The following SLIT3 variants were observed in gnomAD, a reference collection of about 807,000 sequenced individuals.
SLIT3 encodes slit guidance ligand 3.
SLIT3 carries 68 observed loss-of-function variants against 184.0 expected under a neutral mutation model. The ratio of observed to expected loss-of-function variants is 0.37; its 90% CI spans 0.30 to 0.45. The LOEUF is 0.45. Ranked by LOEUF, SLIT3 falls within the 20% of genes least tolerant of loss-of-function variation. The pLI is 1.00. For missense variants in SLIT3, 1,707 were observed against 2,026.0 expected, an observed-to-expected ratio of 0.84 and a Z score of 3.02; for synonymous variants, 831 against 828.6, an observed-to-expected ratio of 1.00 and a Z score of -0.05.
intron 14 of SLIT3, among the ~76,000 whole-genome samples, chr5:168,763,476 C>T (rs1442713831): frequency 6.6e-6 from 1 of 151,982 alleles, no homozygotes; most frequent in Non-Finnish European, 1.5e-5. Context: ...CAGATTTGGC[C>T]TCTGTTTTTC....
chr5:168,696,440 T>C lies in SLIT3; in HGVS notation c.2943-9A>G. ...CCAGAGGGCAGGAGCAGCTTTGGGA[T>C]GTGAGGGGTGGAGAGCAGGGGAGTC... On this transcript the variant is annotated splice_polypyrimidine_tract_variant and intron_variant, in intron 27 of 35. Transcript: ENST00000519560. 6.2e-7 allele frequency: 1 copy of C among 1,613,822 alleles called. No individual in the cohort carries two copies. Among genetic ancestry groups the C allele is most frequent in the South Asian group, 1.1e-5 (1 of 91,040 alleles).
In SLIT3 at chr5:168,781,063, A is replaced by C. The variant is rs1755952657; in HGVS notation, c.1151+4844T>G. Among the ~76,000 whole-genome samples the C allele has an allele frequency of 3.9e-5, 6 of 152,190 alleles. No homozygotes were observed. The South Asian group carries it at 1.2e-3, about 32-fold the overall frequency. ...CCTGTTGGTGACTGCACTGCTTGTC[A>C]ATGGCTGTGGGTTGTCATGGTGATT... On this transcript the variant is annotated intron_variant, in intron 12 of 35. Coordinates refer to ENST00000519560, the MANE Select transcript of SLIT3 (RefSeq NM_003062.4).
At chr5:168,968,414 G>C (rs1415346641) in intron 4 of SLIT3, among the ~76,000 whole-genome samples, 1 of 152,176 alleles carries the variant, frequency 6.6e-6, no homozygotes, top group African/African-American at 2.4e-5. Flanking sequence ...CATCCCTGTT[G>C]TCACCTTGGC....
chr5:168,919,129 G>A (rs761533486), intron 4 of SLIT3, among the ~76,000 whole-genome samples: 2 of 151,850 alleles, frequency 1.3e-5, no homozygotes, highest in East Asian at 1.9e-4. Context: ...GCGTGGTGGC[G>A]GGTGCCTGTA....
At chr5:168,841,685 AAAG>A (rs1166041826) in intron 6 of SLIT3, among the ~76,000 whole-genome samples, 34 of 152,218 alleles carry the variant, frequency 2.2e-4, no homozygotes, top group Admixed American at 9.8e-4. Flanking sequence ...GCCTCGATGG[AAAG>A]AAGTTTTATG....
chr5:169,013,866 G>A (rs1329005284), intron 4 of SLIT3, among the ~76,000 whole-genome samples: 2 of 152,146 alleles, frequency 1.3e-5, no homozygotes, highest in African/African-American at 4.8e-5. Flanking sequence ...TAAAGTGCCT[G>A]GTTTATAGAT....
intron 4 of SLIT3, among the ~76,000 whole-genome samples, chr5:169,002,019 G>A (rs1755719538): frequency 6.6e-6 from 1 of 151,860 alleles, no homozygotes; most frequent in African/African-American, 2.4e-5. Flanking sequence ...GGTAATTATA[G>A]GAAAAAGCAA....
chr5:168,957,116 C>A (rs973246327), intron 4 of SLIT3, among the ~76,000 whole-genome samples: 2 of 151,530 alleles, frequency 1.3e-5, no homozygotes, highest in Non-Finnish European at 2.9e-5. Context: ...ATAATCCCAG[C>A]TACTCTGGAG....
intron 1 of SLIT3, among the ~76,000 whole-genome samples, chr5:169,283,573 C>A (rs929978286): frequency 6.6e-6 from 1 of 152,152 alleles, no homozygotes; most frequent in Non-Finnish European, 1.5e-5. Context: ...GAAAGAAAGG[C>A]TGCTGCTAGG....
intron 3 of SLIT3, among the ~76,000 whole-genome samples, chr5:169,222,500 T>C (rs1764646735): frequency 6.6e-6 from 1 of 152,158 alleles, no homozygotes; most frequent in Non-Finnish European, 1.5e-5. Context: ...TGACAATTAC[T>C]TGTCAGGATT....
At chr5:168,903,602 G>A (rs76517649) in intron 4 of SLIT3, among the ~76,000 whole-genome samples, 2,097 of 152,226 alleles carry the variant, frequency 0.014, 56 homozygotes, top group African/African-American at 0.046. Flanking sequence ...AGTGAAGGAC[G>A]GGGGCAGCAG....
intron 27 of SLIT3, among the ~76,000 whole-genome samples, chr5:168,699,413 G>A (rs1183633729): frequency 2.0e-5 from 3 of 152,310 alleles, no homozygotes; most frequent in South Asian, 2.1e-4. Context: ...AGGGGCTGCC[G>A]CCTCCTGACT....
chr5:168,722,725 G>A (rs962783109), intron 22 of SLIT3, among the ~76,000 whole-genome samples: 1 of 152,204 alleles, frequency 6.6e-6, no homozygotes, highest in Non-Finnish European at 1.5e-5. Context: ...GAAGCGACGA[G>A]GTTCTAGTTC....
At chr5:168,999,710 C>T (rs547664930) in intron 4 of SLIT3, among the ~76,000 whole-genome samples, 51 of 152,348 alleles carry the variant, frequency 3.3e-4, no homozygotes, top group South Asian at 2.7e-3. Flanking sequence ...CTGCCTCACA[C>T]TGTCAAAGCC....
intron 4 of SLIT3, among the ~76,000 whole-genome samples, chr5:168,921,990 T>C (rs1466967181): frequency 6.6e-6 from 1 of 152,184 alleles, no homozygotes; most frequent in Non-Finnish European, 1.5e-5. Context: ...AAATGCATTA[T>C]GGGAATTTTC....
intron 16 of SLIT3, among the ~76,000 whole-genome samples, chr5:168,755,389 A>ATTTATTTCTT (rs1213373035): frequency 1.5e-5 from 2 of 133,640 alleles, no homozygotes; most frequent in Non-Finnish European, 3.3e-5. Context: ...CAGTGCCGCC[A>ATTTATTTCTT]TTTCTTTCTT....
In SLIT3 at chr5:169,227,269, A is replaced by G. The variant is rs190441601; in HGVS notation, c.341+17436T>C. 4.3e-4 allele frequency among the ~76,000 whole-genome samples: 66 copies of G among 152,312 alleles called. 2 individuals are homozygous for G. The East Asian group carries it at 6.0e-3, about 14-fold the overall frequency. On this transcript the variant is annotated intron_variant, in intron 3 of 35. Coordinates refer to ENST00000519560, the MANE Select transcript of SLIT3 (RefSeq NM_003062.4). ...TTATATACTAAATTACGCCACTTAA[A>G]TCTGATAATCAGGATGATGATATAG...
At chr5:168,808,125 A>G (rs1379000856) in intron 8 of SLIT3, among the ~76,000 whole-genome samples, 2 of 152,164 alleles carry the variant, frequency 1.3e-5, no homozygotes, top group African/African-American at 4.8e-5. Flanking sequence ...ATGGACCTCA[A>G]AGTTGCCAGT....
intron 3 of SLIT3, among the ~76,000 whole-genome samples, chr5:169,220,425 AT>A (rs567735622): frequency 3.9e-5 from 6 of 152,066 alleles, no homozygotes; most frequent in Admixed American, 2.0e-4. Flanking sequence ...GGGGATGTGT[AT>A]TTTTTTGGCT....
Sources: allele counts gnomAD v4.1 joint callset (sites outside exome capture counted in the v4.1 genomes callset), GRCh38; gene constraint gnomAD v4.1.1; transcripts MANE v1.5; gene names NCBI Gene and HGNC (gene_info 2026-07-23, HGNC 2026-07-21).